Variants in LAMA1 observed in about 807,000 individuals in gnomAD.
The protein encoded by LAMA1 is laminin subunit alpha-1.
A neutral mutation model predicts 348.7 loss-of-function variants in LAMA1; 219 were observed. The ratio of observed to expected loss-of-function variants is 0.63; its 90% CI spans 0.56 to 0.70. The LOEUF is 0.70. Ranked by LOEUF, LAMA1 falls within the 30% of genes least tolerant of loss-of-function variation. The probability of loss-of-function intolerance (pLI) is 0.00; values close to 1 mark genes in which losing one functional copy is unlikely to be tolerated. For synonymous variants in LAMA1, 1,487 were observed against 1,491.0 expected, an observed-to-expected ratio of 1.00 and a Z score of 0.06; for missense variants, 3,744 against 3,888.0, an observed-to-expected ratio of 0.96 and a Z score of 0.99.
intron 1 of LAMA1, among the ~76,000 whole-genome samples, chr18:7,092,121 T>C (rs1039599574): frequency 2.6e-5 from 4 of 152,240 alleles, no homozygotes; most frequent in African/African-American, 4.8e-5. Context: ...CTGGGATTGA[T>C]ACAACACTAT....
chr18:7,012,264 C>T (rs2057864129), intron 23 of LAMA1, 126 bp from the exon 24 acceptor site: 1 of 1,046,602 alleles, frequency 9.6e-7, no homozygotes, highest in Non-Finnish European at 1.4e-6. Context: ...ACATTAGTTT[C>T]CTCTAGCCAG....
At chr18:7,093,227 T>C (rs1459385392) in intron 1 of LAMA1, among the ~76,000 whole-genome samples, 2 of 152,090 alleles carry the variant, frequency 1.3e-5, no homozygotes, top group Non-Finnish European at 2.9e-5. Context: ...CCATCCTGGC[T>C]AACACGGTGA....
In LAMA1 at chr18:7,033,107, C is replaced by T. The variant is rs775676474; in HGVS notation, c.2052-12G>A. The T allele has an allele frequency of 1.5e-5, 23 of 1,572,894 alleles. No homozygotes were observed. The highest frequency in any genetic ancestry group is 1.8e-5 in the Non-Finnish European group (21 of 1,147,474). ...AGACGGACTCCAACCTACAAATAGA[C>T]AGATTGTTATGTGACTCACACGCTC... On this transcript the variant is annotated splice_polypyrimidine_tract_variant and intron_variant, in intron 14 of 62. Coordinates refer to ENST00000389658, the MANE Select transcript of LAMA1 (RefSeq NM_005559.4).
At chr18:7,054,210 T>C (rs2058072825) in intron 3 of LAMA1, among the ~76,000 whole-genome samples, 1 of 152,150 alleles carries the variant, frequency 6.6e-6, no homozygotes, top group Non-Finnish European at 1.5e-5. Flanking sequence ...ACCTCCAGAA[T>C]CTCTCGTTTT....
chr18:7,064,583 A>G (rs2058115037), intron 3 of LAMA1, among the ~76,000 whole-genome samples: 1 of 152,198 alleles, frequency 6.6e-6, no homozygotes, highest in African/African-American at 2.4e-5. Flanking sequence ...TGTTCACACA[A>G]TGCTTTCTCC....
chr18:6,955,299 C>A, intron 57 of LAMA1, 54 bp downstream of exon 57: 2 of 1,335,022 alleles, frequency 1.5e-6, no homozygotes. Context: ...CTGCAGAACA[C>A]CCCCATACAT....
Position 7,013,467 on chromosome 18 carries a change from C to A in LAMA1, c.3363+348G>T, listed in dbSNP as rs796309467. ...CAATGTGGCCAGCACATACGGGAGC[C>A]CAATAACCTCACAGGGATCACATCA... On this transcript the variant is annotated intron_variant, in intron 23 of 62. Coordinates refer to ENST00000389658, the MANE Select transcript of LAMA1 (RefSeq NM_005559.4). Among the ~76,000 whole-genome samples, 18 of 152,216 alleles carry A rather than the reference C, an allele frequency of 1.2e-4. 1 individual carries two copies. Among genetic ancestry groups the A allele is most frequent in the African/African-American group, 4.3e-4 (18 of 41,534 alleles).
chr18:6,974,690 C>T (rs2057673558), intron 46 of LAMA1, among the ~76,000 whole-genome samples: 1 of 151,944 alleles, frequency 6.6e-6, no homozygotes, highest in Admixed American at 6.6e-5. Flanking sequence ...TCAGGTGATC[C>T]GCCTGCCTTG....
intron 1 of LAMA1, among the ~76,000 whole-genome samples, chr18:7,085,643 C>T (rs1043717944): frequency 2.0e-5 from 3 of 152,096 alleles, no homozygotes; most frequent in South Asian, 2.1e-4. Flanking sequence ...TGGTCTCGAT[C>T]TCCTGACTTC....
At chr18:7,022,117 T>G (rs1211520604) in intron 19 of LAMA1, among the ~76,000 whole-genome samples, 1 of 151,956 alleles carries the variant, frequency 6.6e-6, no homozygotes, top group Non-Finnish European at 1.5e-5. Flanking sequence ...TCCACAGGTA[T>G]GTTTTCCCCC....
chr18:7,090,947 C>A (rs1202305036), intron 1 of LAMA1, among the ~76,000 whole-genome samples: 2 of 152,092 alleles, frequency 1.3e-5, no homozygotes, highest in Non-Finnish European at 2.9e-5. Context: ...CTCAAGGTGT[C>A]CTTGAAAAAG....
intron 14 of LAMA1, 35 bp from the exon 15 acceptor site, chr18:7,033,130 C>G (rs754703240): frequency 2.9e-6 from 4 of 1,388,540 alleles, no homozygotes; most frequent in Non-Finnish European, 4.0e-6. Flanking sequence ...GACTCACACG[C>G]TCGCAAATAC....
chr18:6,986,554 CT>C (rs71165711), intron 36 of LAMA1, among the ~76,000 whole-genome samples: 26,738 of 146,166 alleles, frequency 0.18, 2,943 homozygotes, highest in Non-Finnish European at 0.26. Flanking sequence ...AACAAATTGT[CT>C]TTTTTTTTTT....
chr18:6,947,435 T>C (rs778773951), intron 60 of LAMA1, 139 bp from the exon 61 acceptor site: 3 of 958,918 alleles, frequency 3.1e-6, no homozygotes, highest in Non-Finnish European at 4.9e-6. Flanking sequence ...AGCAGGTCAC[T>C]CCTGCCCTCT....
chr18:7,059,775 C>T (rs2083035377), intron 3 of LAMA1, among the ~76,000 whole-genome samples: 1 of 152,146 alleles, frequency 6.6e-6, no homozygotes, highest in Non-Finnish European at 1.5e-5. Flanking sequence ...GGTAACTGAA[C>T]AGTGAATGAA....
chr18:7,012,164 G>C (rs144715352), intron 23 of LAMA1, 26 bp from the exon 24 acceptor site: 3 of 1,612,116 alleles, frequency 1.9e-6, no homozygotes, highest in Non-Finnish European at 2.5e-6. Context: ...TAAAGGACTC[G>C]TTTTTGCCTA....
chr18:6,973,326 C>G (rs191765817), intron 46 of LAMA1, 119 bp from the exon 47 acceptor site: 25 of 864,438 alleles, frequency 2.9e-5, no homozygotes, highest in South Asian at 1.4e-4. Context: ...ACAGCACCCC[C>G]CTGCTGGCCT....
At chr18:7,117,550 A>G (rs2058362701) in intron 1 of LAMA1, 110 bp downstream of exon 1, 3 of 1,165,436 alleles carry the variant, frequency 2.6e-6, no homozygotes, top group Admixed American at 4.3e-5. Flanking sequence ...GAGGTGGATC[A>G]GGATGCGCGC....
chr18:7,098,417 C>T (rs1447906393), intron 1 of LAMA1, among the ~76,000 whole-genome samples: 1 of 151,536 alleles, frequency 6.6e-6, no homozygotes, highest in Non-Finnish European at 1.5e-5. Context: ...CACCTCTTCC[C>T]GGCCGCCATC....
Sources: gnomAD v4.1 joint callset for allele counts (sites outside exome capture counted in the v4.1 genomes callset) on GRCh38, gnomAD v4.1.1 for gene constraint, MANE v1.5 for transcripts, NCBI Gene and HGNC (gene_info 2026-07-23, HGNC 2026-07-21) for gene names.